The following EIF3A variants were observed in gnomAD, a reference collection of about 807,000 sequenced individuals.
EIF3A encodes the protein EIF3, p180 subunit.
In EIF3A, 21 loss-of-function variants were observed where a neutral mutation model predicts 186.6. The ratio of observed to expected loss-of-function variants is 0.11; its 90% CI spans 0.08 to 0.16. The LOEUF is 0.16. Ranked by LOEUF, EIF3A falls within the 10% of genes least tolerant of loss-of-function variation. The probability of loss-of-function intolerance (pLI) is 1.00; values close to 1 mark genes in which losing one functional copy is unlikely to be tolerated. For synonymous variants in EIF3A, 563 were observed against 584.3 expected (o/e 0.96, Z 0.52); for missense variants, 1,306 against 1,796.3 (o/e 0.73, Z 4.93).
At chr10:119,043,974 C>A (rs1848249487) in intron 18 of EIF3A, 80 bp downstream of exon 18, 2 of 1,066,138 alleles carry the variant, frequency 1.9e-6, no homozygotes, top group Admixed American at 3.6e-5. Flanking sequence ...CCTGCCTCTA[C>A]AAAATGAACC....
chr10:119,063,560 T>C (rs1843923724), intron 7 of EIF3A, among the ~76,000 whole-genome samples: 1 of 152,206 alleles, frequency 6.6e-6, no homozygotes, highest in Non-Finnish European at 1.5e-5. Context: ...ATGATTTAAA[T>C]TCCGTTTTTG....
rs1848344950 is a variant in EIF3A at position 119,050,678 on chromosome 10, C to A, written c.2320-4G>T. On this transcript the variant is annotated splice_polypyrimidine_tract_variant and splice_region_variant and intron_variant, in intron 15 of 21. Coordinates refer to ENST00000369144, the MANE Select transcript of EIF3A (RefSeq NM_003750.4). Reference sequence around the variant, plus strand: ...CTTCAAACTGTTTAAGTTTTTCCTGCAATCGAAGTAACCCCCAACCCAAAA... The same window carrying A: ...CTTCAAACTGTTTAAGTTTTTCCTGAAATCGAAGTAACCCCCAACCCAAAA... 3 of 1,613,650 alleles carry A rather than the reference C, an allele frequency of 1.9e-6. No individual in the cohort carries two copies. In the South Asian group the frequency reaches 3.3e-5, roughly 18 times the overall value.
Position 119,060,802 on chromosome 10 carries a change from A to T in EIF3A, c.1270T>A (p.Leu424Met). Reference sequence around the variant, plus strand: ...TGCAGTTGTGGCACATACTGCTGCAATTCCGGTTCCTTTTCAGGTTGTTCC... The same window carrying T: ...TGCAGTTGTGGCACATACTGCTGCATTTCCGGTTCCTTTTCAGGTTGTTCC... ...VREQPEKEPE[L>M]QQYVPQLQNN... The change falls in exon 9 of 22, where the codon TTG becomes ATG. Residue 424 changes from leucine (L) to methionine (M), a missense_variant. Transcript: ENST00000369144. The T allele has an allele frequency of 6.2e-7, 1 of 1,612,454 alleles. No individual in the cohort carries two copies. The highest frequency in any genetic ancestry group is 8.5e-7 in the Non-Finnish European group (1 of 1,179,348).
Position 119,044,040 on chromosome 10 carries a change from T to C in EIF3A, c.2747+14A>G. 1 of 1,593,654 alleles carries C rather than the reference T, an allele frequency of 6.3e-7. No homozygotes were observed. Among genetic ancestry groups the C allele is most frequent in the Non-Finnish European group, 8.6e-7 (1 of 1,161,956 alleles). On this transcript the variant is annotated intron_variant, in intron 18 of 21. Transcript: ENST00000369144. ...AGGAACTGGAGCGGCATTATTTTCC[T>C]CAACTCTACTTACTTCTCTGGCGGG... is the stretch of plus-strand genomic sequence containing the variant.
chr10:119,036,217 C>T lies in EIF3A; in HGVS notation c.3971G>A (p.Arg1324Gln), dbSNP rs1345108493. 4 of 1,613,834 alleles carry T rather than the reference C, an allele frequency of 2.5e-6. No homozygotes were observed. The highest frequency in any genetic ancestry group is 2.2e-5 in the East Asian group (1 of 44,876). Reference protein sequence around the residue: ...DDRKDDRVEERDPPRRVPPPA... With the variant: ...DDRKDDRVEEQDPPRRVPPPA... ...GGGAGGAACTCGACGAGGAGGGTCC[C>T]GCTCTTCCACCCGGTCATCTTTCCT... Residue 1324 changes from arginine (R) to glutamine (Q), a missense_variant, in exon 22 of 22, where the codon CGG (arginine) becomes CAG (glutamine). Physicochemically the swap from Arg to Gln is conservative, Grantham distance 43. This residue lies in a region of EIF3A where 331 missense variants were observed against 365.8 expected (regional missense o/e 0.90). Coordinates refer to ENST00000369144, the MANE Select transcript of EIF3A (RefSeq NM_003750.4).
Position 119,042,054 on chromosome 10 carries a change from G to C in EIF3A, c.3466C>G (p.Arg1156Gly), listed in dbSNP as rs754819756. 2 of 1,613,996 alleles carry C rather than the reference G, an allele frequency of 1.2e-6. No homozygotes were observed. Among genetic ancestry groups the C allele is most frequent in the Admixed American group, 1.7e-5 (1 of 59,994 alleles). The change falls in exon 19 of 22, where the codon CGG becomes GGG. Residue 1156 changes from arginine to glycine, a missense_variant. Physicochemically the swap from Arg to Gly is moderately radical, Grantham distance 125 (BLOSUM62 -2). Transcript: ENST00000369144. This position sits in a 1 kb window ranked among gnomAD's most constrained non-coding sequence, Gnocchi z 7.8. ...GAGTCATCACCCCGTCTGGGAAACCGATCATCATCAGCACGTCTTGAAAGG... is the reference window on the plus strand; with the variant it reads ...GAGTCATCACCCCGTCTGGGAAACCCATCATCATCAGCACGTCTTGAAAGG... ...DRLSRRADDDRFPRRGDDSRP... is the reference protein window; with the variant it reads ...DRLSRRADDDGFPRRGDDSRP...
intron 20 of EIF3A, 69 bp downstream of exon 20, chr10:119,038,169 A>C: frequency 1.5e-6 from 2 of 1,378,174 alleles, no homozygotes; most frequent in Non-Finnish European, 2.0e-6. Context: ...CGCCCTCCCA[A>C]AGTGCTGGGA....
intron 20 of EIF3A, 133 bp from the exon 21 acceptor site, chr10:119,037,442 C>G (rs144437437): frequency 8.1e-6 from 6 of 742,732 alleles, no homozygotes; most frequent in Admixed American, 2.8e-5. Flanking sequence ...CCTGACCTTA[C>G]CTGATGCCTG....
At chr10:119,050,013 T>G in intron 16 of EIF3A, 28 bp from the exon 17 acceptor site, 2 of 1,606,834 alleles carry the variant, frequency 1.2e-6, no homozygotes, top group Middle Eastern at 1.7e-4. Flanking sequence ...TTACTAAGTG[T>G]GCCTCCCAGC....
At chr10:119,065,837 C>T (rs555119952) in intron 6 of EIF3A, among the ~76,000 whole-genome samples, 5 of 152,236 alleles carry the variant, frequency 3.3e-5, no homozygotes, top group Admixed American at 6.5e-5. Context: ...TTGTGATTGA[C>T]CAGGCGCGGT....
In EIF3A at chr10:119,073,750, T is replaced by A; in HGVS notation, c.237A>T (p.Gln79His). 6.3e-7 allele frequency: 1 copy of A among 1,593,500 alleles called. No individual in the cohort carries two copies. The highest frequency in any genetic ancestry group is 8.5e-7 in the Non-Finnish European group (1 of 1,170,356). ...TACAACCCAGTTCCGTTTGTACCTG[T>A]TGACAAATGTTCTTATACTGGTATA... ...EGLYQYKNIC[Q>H]QVNIKSLEDV... Residue 79 changes from glutamine (Q) to histidine (H), a missense_variant, in exon 2 of 22, where the codon CAA becomes CAT. Gln to His is a conservative substitution (Grantham distance 24, BLOSUM62 0). Transcript: ENST00000369144.
In EIF3A at chr10:119,035,948, C is replaced by T; in HGVS notation, c.*91G>A. ...TTATGGTGAAACAACATTAAAGAATCCAATTTAGATTGGTTGAAGCACAAG... is the reference window on the plus strand; with the variant it reads ...TTATGGTGAAACAACATTAAAGAATTCAATTTAGATTGGTTGAAGCACAAG... On this transcript the variant is annotated 3_prime_UTR_variant, in exon 22 of 22. Transcript: ENST00000369144. The T allele has an allele frequency of 3.2e-6, 3 of 947,456 alleles. No individual in the cohort carries two copies. The highest frequency in any genetic ancestry group is 5.0e-6 in the Non-Finnish European group (3 of 603,572). The allele number at this position is 947,456 out of a possible 1,614,324, so 58.7% of individuals were successfully genotyped here. A position where few individuals can be genotyped will look rare whatever the true frequency, so the allele number is the denominator to read the frequency against.
In EIF3A at chr10:119,056,791, C is replaced by T. The variant is rs745308028; in HGVS notation, c.2145G>A (p.Glu715=). The change falls in exon 14 of 22, where the codon GAG becomes GAA. Residue 715 remains glutamate (E), a synonymous_variant. Coordinates refer to ENST00000369144, the MANE Select transcript of EIF3A (RefSeq NM_003750.4). ...EEIPLIKSAY[E]EQRIKDMDLW... ...GATCCATGTCTTTAATTCTCTGTTC[C>T]TCGTAAGCGCTCTTTATCAAAGGAA... is the stretch of plus-strand genomic sequence containing the variant. The T allele has an allele frequency of 6.5e-5, 105 of 1,613,554 alleles. No homozygotes were observed. Among genetic ancestry groups the T allele is most frequent in the South Asian group, 1.8e-4 (16 of 91,066 alleles).
At chr10:119,045,288 T>C (rs904737316) in intron 17 of EIF3A, among the ~76,000 whole-genome samples, 2 of 152,106 alleles carry the variant, frequency 1.3e-5, no homozygotes, top group African/African-American at 4.8e-5. Context: ...AATGAAACTC[T>C]AAAATAACAA....
intron 1 of EIF3A, chr10:119,080,280 A>T (rs887759624): frequency 6.1e-6 from 6 of 982,914 alleles, no homozygotes; most frequent in Non-Finnish European, 7.2e-6. Context: ...TAAGCAGACC[A>T]AAGCCCCAGG....
intron 19 of EIF3A, among the ~76,000 whole-genome samples, chr10:119,040,740 C>A (rs1338612309): frequency 3.3e-5 from 5 of 152,116 alleles, no homozygotes; most frequent in Admixed American, 3.3e-4. Flanking sequence ...GGCGTGGTGG[C>A]TCATGCCTGT....
chr10:119,059,375 C>G lies in EIF3A; in HGVS notation c.1466G>C (p.Arg489Pro). 6.3e-7 allele frequency: 1 copy of G among 1,598,844 alleles called. No individual in the cohort carries two copies. The highest frequency in any genetic ancestry group is 8.5e-7 in the Non-Finnish European group (1 of 1,173,778). Reference protein sequence around the residue: ...DLQVRIDHTSRTLSFGSDLNY... With the variant: ...DLQVRIDHTSPTLSFGSDLNY... ...CAAATCAGATCCAAAACTCAGGGTC[C>G]GAGAAGTGTGATCAATACGAACCTT... The change falls in exon 11 of 22, where the codon CGG (arginine) becomes CCG (proline). Residue 489 changes from arginine (R) to proline (P), a missense_variant. Coordinates refer to ENST00000369144, the MANE Select transcript of EIF3A (RefSeq NM_003750.4).
At chr10:119,037,064 C>CA in intron 21 of EIF3A, 55 bp downstream of exon 21, 1 of 675,444 alleles carries the variant, frequency 1.5e-6, no homozygotes, top group South Asian at 2.2e-5. Context: ...CCCAAATCCC[C>CA]CCCCCCCCAG....
At chr10:119,037,077 ACG>A in intron 21 of EIF3A, 40 bp downstream of exon 21, 1 of 409,630 alleles carries the variant, frequency 2.4e-6, no homozygotes, top group Non-Finnish European at 4.4e-6. Context: ...CCCCCCAGAA[ACG>A]ACAGTTCTCC....
Sources: gnomAD v4.1 joint callset for allele counts (sites outside exome capture counted in the v4.1 genomes callset) on GRCh38, gnomAD v4.1.1 for gene constraint, gnomAD v4.1.1 regional missense constraint, Gnocchi (gnomAD v3.1) non-coding constraint, MANE v1.5 for transcripts, NCBI Gene and HGNC (gene_info 2026-07-23, HGNC 2026-07-21) for gene names.